MAGI2: variants seen among roughly 807,000 people sequenced by gnomAD.
MAGI2 encodes the protein membrane associated guanylate kinase, WW and PDZ domain containing 2, also known as membrane-associated guanylate kinase, WW and PDZ domain-containing protein 2.
In MAGI2, 35 loss-of-function variants were observed where a neutral mutation model predicts 133.3. The observed-to-expected ratio is 0.26, with a 90% CI of 0.20 to 0.35. The LOEUF (loss-of-function observed/expected upper bound fraction) is 0.35. Among genes scored for constraint, MAGI2 ranks in the 10% least tolerant of loss-of-function variants. MAGI2 has a pLI of 1.00. For synonymous variants in MAGI2, 729 were observed against 710.6 expected (o/e 1.03, Z -0.41); for missense variants, 1,636 against 1,863.4 (o/e 0.88, Z 2.25).
intron 1 of MAGI2, among the ~76,000 whole-genome samples, chr7:79,259,551 C>A (rs576955258): frequency 6.6e-6 from 1 of 152,244 alleles, no homozygotes; most frequent in Admixed American, 6.5e-5. Flanking sequence ...ACCCCCACTT[C>A]ATGTTTTATG....
intron 21 of MAGI2, among the ~76,000 whole-genome samples, chr7:78,073,854 G>T (rs188014381): frequency 5.3e-5 from 8 of 152,310 alleles, no homozygotes; most frequent in Non-Finnish European, 8.8e-5. Flanking sequence ...TAACCAGGGT[G>T]AAGGAGGGCA....
intron 2 of MAGI2, among the ~76,000 whole-genome samples, chr7:78,995,709 GCTTTTCTTTT>G (rs139911635): frequency 7.2e-5 from 11 of 151,992 alleles, no homozygotes; most frequent in Admixed American, 2.6e-4. Flanking sequence ...AGACTTCATT[GCTTTTCTTTT>G]CTTTTCTTTT....
At chr7:79,161,763 C>A (rs886398221) in intron 1 of MAGI2, among the ~76,000 whole-genome samples, 6 of 152,038 alleles carry the variant, frequency 3.9e-5, no homozygotes, top group African/African-American at 1.4e-4. Context: ...TTTTTATAAG[C>A]AAACTTATCT....
intron 3 of MAGI2, among the ~76,000 whole-genome samples, chr7:78,524,530 A>G (rs1050183145): frequency 1.1e-4 from 16 of 152,284 alleles, no homozygotes; most frequent in South Asian, 4.1e-4. Context: ...AAAAAAATTA[A>G]GTTGTAAAGT....
At chr7:79,447,529 T>C (rs1848942092) in intron 1 of MAGI2, among the ~76,000 whole-genome samples, 1 of 151,994 alleles carries the variant, frequency 6.6e-6, no homozygotes, top group Admixed American at 6.6e-5. Flanking sequence ...TCAACGAAAA[T>C]GCTAAAATTA....
chr7:78,849,331 A>G (rs1355435220), intron 2 of MAGI2, among the ~76,000 whole-genome samples: 2 of 152,072 alleles, frequency 1.3e-5, no homozygotes, highest in African/African-American at 4.8e-5. Context: ...TAGCAAAAAC[A>G]AAACAAACAA....
At chr7:78,187,814 A>G (rs1006258812) in intron 12 of MAGI2, among the ~76,000 whole-genome samples, 1 of 152,188 alleles carries the variant, frequency 6.6e-6, no homozygotes, top group Non-Finnish European at 1.5e-5. Flanking sequence ...ATTTTATGTT[A>G]TACTCTCACG....
chr7:79,273,474 G>C (rs948438734), intron 1 of MAGI2, among the ~76,000 whole-genome samples: 4 of 151,948 alleles, frequency 2.6e-5, no homozygotes, highest in Non-Finnish European at 5.9e-5. Flanking sequence ...TTGCTCTTGG[G>C]GGTTTTCTGC....
chr7:78,431,225 G>A (rs1402308133), intron 6 of MAGI2, among the ~76,000 whole-genome samples: 1 of 152,022 alleles, frequency 6.6e-6, no homozygotes, highest in African/African-American at 2.4e-5. Context: ...ATATGTATGT[G>A]AGTGAAGGTT....
intron 6 of MAGI2, among the ~76,000 whole-genome samples, chr7:78,441,625 G>A (rs1787640761): frequency 6.7e-6 from 1 of 149,450 alleles, no homozygotes; most frequent in Non-Finnish European, 1.5e-5. Context: ...ACCCAGTCAT[G>A]GAATTCAGTT....
intron 9 of MAGI2, among the ~76,000 whole-genome samples, chr7:78,332,136 T>C (rs919872635): frequency 5.3e-5 from 8 of 152,144 alleles, no homozygotes; most frequent in African/African-American, 1.9e-4. Context: ...CCTTCTCAAG[T>C]GAACTTTTAT....
At chr7:78,266,584 CTT>C (rs34162021) in intron 9 of MAGI2, among the ~76,000 whole-genome samples, 2 of 146,512 alleles carry the variant, frequency 1.4e-5, no homozygotes, top group African/African-American at 2.5e-5. Context: ...GAAAAAATCC[CTT>C]TTTTTTTTTG....
At chr7:78,734,568 C>T (rs1408778030) in intron 2 of MAGI2, among the ~76,000 whole-genome samples, 1 of 152,174 alleles carries the variant, frequency 6.6e-6, no homozygotes, top group African/African-American at 2.4e-5. Flanking sequence ...GAGCAAAGTA[C>T]ATTTGACCAC....
At chr7:78,641,510 T>A (rs1810305399) in intron 2 of MAGI2, among the ~76,000 whole-genome samples, 1 of 152,200 alleles carries the variant, frequency 6.6e-6, no homozygotes, top group Non-Finnish European at 1.5e-5. Flanking sequence ...AAGAAGTCGT[T>A]TGCCCACCCC....
At chr7:78,181,323 G>GGT (rs1827168539) in intron 13 of MAGI2, among the ~76,000 whole-genome samples, 1 of 152,194 alleles carries the variant, frequency 6.6e-6, no homozygotes, top group Admixed American at 6.5e-5. Flanking sequence ...GTGTCTGGTA[G>GGT]ACACCTATTT....
At chr7:79,000,557 T>C (rs1806758994) in intron 2 of MAGI2, among the ~76,000 whole-genome samples, 1 of 152,174 alleles carries the variant, frequency 6.6e-6, no homozygotes, top group Admixed American at 6.5e-5. Flanking sequence ...GTGATCATAG[T>C]CTTCTAGGGA....
chr7:78,501,494 T>TC, intron 5 of MAGI2, 83 bp downstream of exon 5: 1 of 1,227,480 alleles, frequency 8.1e-7, no homozygotes, highest in Non-Finnish European at 1.1e-6. Context: ...CTTTTTTTTT[T>TC]TTTTTCCACG....
At chr7:78,748,695 T>TAA (rs56050733) in intron 2 of MAGI2, among the ~76,000 whole-genome samples, 1 of 151,956 alleles carries the variant, frequency 6.6e-6, no homozygotes, top group Non-Finnish European at 1.5e-5. Context: ...TACTCTGATG[T>TAA]AAAAAAGATA....
chr7:78,384,493 C>T (rs1392349642), intron 6 of MAGI2, among the ~76,000 whole-genome samples: 3 of 152,144 alleles, frequency 2.0e-5, no homozygotes, highest in Non-Finnish European at 2.9e-5. Context: ...GAATCATAGG[C>T]TATTACATGT....
Sources: allele counts gnomAD v4.1 joint callset (sites outside exome capture counted in the v4.1 genomes callset), GRCh38; gene constraint gnomAD v4.1.1; transcripts MANE v1.5; gene names NCBI Gene and HGNC (gene_info 2026-07-23, HGNC 2026-07-21).